The following PTPRG variants were observed in gnomAD, a reference collection of about 807,000 sequenced individuals.
PTPRG encodes the protein receptor-type tyrosine-protein phosphatase gamma.
PTPRG carries 102 observed loss-of-function variants against 165.3 expected under a neutral mutation model. The observed-to-expected ratio is 0.62, with a 90% CI of 0.53 to 0.73. The LOEUF (loss-of-function observed/expected upper bound fraction) is 0.73, where lower values mean the gene tolerates loss of function less well. Among genes scored for constraint, PTPRG ranks in the 30% least tolerant of loss-of-function variants. PTPRG has a pLI of 0.00. For synonymous variants in PTPRG, 675 were observed against 669.5 expected, an observed-to-expected ratio of 1.01 and a Z score of -0.13; for missense variants, 1,866 against 1,861.4, an observed-to-expected ratio of 1.00 and a Z score of -0.05.
chr3:61,952,536 C>T (rs1237153973), intron 2 of PTPRG, among the ~76,000 whole-genome samples: 3 of 152,176 alleles, frequency 2.0e-5, no homozygotes, highest in Non-Finnish European at 4.4e-5. Flanking sequence ...AGAGCATGCT[C>T]AAATTGATAT....
intron 1 of PTPRG, among the ~76,000 whole-genome samples, chr3:61,574,217 G>A (rs759006925): frequency 4.6e-5 from 7 of 152,154 alleles, no homozygotes; most frequent in Non-Finnish European, 8.8e-5. Flanking sequence ...TGACAGTAGA[G>A]CGCAAAAATG....
At chr3:61,713,602 A>T (rs1197835849) in intron 1 of PTPRG, among the ~76,000 whole-genome samples, 1 of 152,160 alleles carries the variant, frequency 6.6e-6, no homozygotes, top group Non-Finnish European at 1.5e-5. Flanking sequence ...AGGTTATTCC[A>T]ATTTTTATTA....
At chr3:62,080,684 T>C (rs1701541148) in intron 5 of PTPRG, among the ~76,000 whole-genome samples, 1 of 152,206 alleles carries the variant, frequency 6.6e-6, no homozygotes, top group Non-Finnish European at 1.5e-5. Flanking sequence ...GACTAGTTTA[T>C]GGCATGCTCT....
At chr3:61,739,875 C>T in intron 1 of PTPRG, among the ~76,000 whole-genome samples, 1 of 152,196 alleles carries the variant, frequency 6.6e-6, no homozygotes, top group East Asian at 1.9e-4. Flanking sequence ...ACTTGCTATT[C>T]ACATAGCATA....
chr3:62,128,888 G>T (rs556453213), intron 5 of PTPRG, among the ~76,000 whole-genome samples: 7 of 151,850 alleles, frequency 4.6e-5, no homozygotes, highest in African/African-American at 1.7e-4. Context: ...TTTCAGTTAG[G>T]GTTATGCCTG....
chr3:61,729,261 C>T (rs571667680), intron 1 of PTPRG, among the ~76,000 whole-genome samples: 13 of 152,210 alleles, frequency 8.5e-5, no homozygotes, highest in Middle Eastern at 3.4e-3. Context: ...ACTGTGCATC[C>T]GGGCCAGTTG....
chr3:61,986,591 A>C (rs187549613), intron 2 of PTPRG, among the ~76,000 whole-genome samples: 59 of 152,296 alleles, frequency 3.9e-4, no homozygotes, highest in Admixed American at 1.7e-3. Flanking sequence ...TTTCTTTAAG[A>C]CTTTCATCAG....
At chr3:61,623,365 A>C (rs2106907641) in intron 1 of PTPRG, among the ~76,000 whole-genome samples, 1 of 152,330 alleles carries the variant, frequency 6.6e-6, no homozygotes, top group African/African-American at 2.4e-5. Context: ...GTTAAGGCAG[A>C]GGAAAGTTGG....
At chr3:61,738,719 A>G (rs2032860705) in intron 1 of PTPRG, among the ~76,000 whole-genome samples, 1 of 151,744 alleles carries the variant, frequency 6.6e-6, no homozygotes, top group Non-Finnish European at 1.5e-5. Context: ...ATTAATCAAC[A>G]TGTCACTTTC....
chr3:62,221,093 A>T (rs1232084062), intron 13 of PTPRG, among the ~76,000 whole-genome samples: 1 of 152,190 alleles, frequency 6.6e-6, no homozygotes, highest in Non-Finnish European at 1.5e-5. Flanking sequence ...CAGCTTTAAA[A>T]TCCTTCCATT....
chr3:62,137,607 C>T (rs1283490727), intron 6 of PTPRG, among the ~76,000 whole-genome samples: 1 of 152,036 alleles, frequency 6.6e-6, no homozygotes, highest in East Asian at 1.9e-4. Flanking sequence ...ATGGGTTCGC[C>T]AGGATTCAGA....
chr3:61,829,341 A>C (rs2036203716), intron 2 of PTPRG, among the ~76,000 whole-genome samples: 1 of 152,192 alleles, frequency 6.6e-6, no homozygotes, highest in South Asian at 2.1e-4. Flanking sequence ...ACAAACGTGC[A>C]CTCTGTTTGT....
intron 2 of PTPRG, among the ~76,000 whole-genome samples, chr3:61,820,628 T>A (rs931452718): frequency 6.9e-6 from 1 of 144,670 alleles, no homozygotes; most frequent in African/African-American, 2.7e-5. Context: ...TTTTTTTTTT[T>A]TACTGTGGCT....
intron 2 of PTPRG, among the ~76,000 whole-genome samples, chr3:61,804,087 T>A (rs2035336762): frequency 6.6e-6 from 1 of 152,232 alleles, no homozygotes. Flanking sequence ...GGAAAAAGCT[T>A]TGGTCACTTA....
At chr3:62,149,917 C>T (rs1704265719) in intron 6 of PTPRG, among the ~76,000 whole-genome samples, 2 of 152,182 alleles carry the variant, frequency 1.3e-5, no homozygotes, top group South Asian at 4.1e-4. Context: ...TCTGTTTTCC[C>T]TCCTGCTTAC....
At chr3:62,053,211 A>C (rs768310395) in intron 4 of PTPRG, among the ~76,000 whole-genome samples, 1 of 151,780 alleles carries the variant, frequency 6.6e-6, no homozygotes, top group East Asian at 1.9e-4. Context: ...TTGCTCTCCA[A>C]AGGAAATCAG....
At chr3:62,097,033 T>C (rs1442434138) in intron 5 of PTPRG, among the ~76,000 whole-genome samples, 2 of 152,178 alleles carry the variant, frequency 1.3e-5, no homozygotes, top group Non-Finnish European at 2.9e-5. Flanking sequence ...CAAGCTGGCT[T>C]AAGTTGACAA....
intron 12 of PTPRG, among the ~76,000 whole-genome samples, chr3:62,205,330 C>A (rs558450088): frequency 5.3e-5 from 8 of 152,224 alleles, no homozygotes; most frequent in African/African-American, 1.9e-4. Flanking sequence ...AGTTGAATTT[C>A]TTGCATTTGA....
At chr3:61,738,279 CATAT>C (rs1169177844) in intron 1 of PTPRG, among the ~76,000 whole-genome samples, 24 of 15,496 alleles carry the variant, frequency 1.5e-3, no homozygotes, top group South Asian at 5.9e-3. Flanking sequence ...TATATATATA[CATAT>C]ATATATATAT....
Sources: gnomAD v4.1 joint callset for allele counts (sites outside exome capture counted in the v4.1 genomes callset) on GRCh38, gnomAD v4.1.1 for gene constraint, MANE v1.5 for transcripts, NCBI Gene and HGNC (gene_info 2026-07-23, HGNC 2026-07-21) for gene names.